The following SLX4IP variants were observed in gnomAD, a reference collection of about 807,000 sequenced individuals.
SLX4IP encodes the protein protein SLX4IP.
SLX4IP carries 34 observed loss-of-function variants against 32.9 expected under a neutral mutation model. The observed-to-expected ratio is 1.03, with a 90% CI of 0.79 to 1.38. SLX4IP has a LOEUF of 1.38. Ranked by LOEUF, SLX4IP falls within the 40% of genes most tolerant of loss-of-function variation. SLX4IP has a pLI of 0.00. For synonymous variants in SLX4IP, 172 were observed against 171.7 expected, an observed-to-expected ratio of 1.00 and a Z score of -0.01; for missense variants, 444 against 479.0, an observed-to-expected ratio of 0.93 and a Z score of 0.68.
intron 2 of SLX4IP, among the ~76,000 whole-genome samples, chr20:10,535,718 G>T (rs857008): frequency 0.57 from 86,748 of 151,984 alleles, 25,398 homozygotes; most frequent in South Asian, 0.72. Flanking sequence ...GAGAATAATG[G>T]AACTACCTGT....
chr20:10,475,568 G>A (rs2122371269), intron 2 of SLX4IP, among the ~76,000 whole-genome samples: 1 of 152,324 alleles, frequency 6.6e-6, no homozygotes. Context: ...TCTTTGAGAA[G>A]TGGGATTCTG....
chr20:10,508,868 G>T (rs938675401), intron 2 of SLX4IP, among the ~76,000 whole-genome samples: 2 of 152,170 alleles, frequency 1.3e-5, no homozygotes, highest in Non-Finnish European at 1.5e-5. Flanking sequence ...ACGACTCCCA[G>T]TGAGTGGCTC....
At chr20:10,492,736 A>G (rs1158935705) in intron 2 of SLX4IP, among the ~76,000 whole-genome samples, 1 of 152,182 alleles carries the variant, frequency 6.6e-6, no homozygotes, top group African/African-American at 2.4e-5. Context: ...TATCTAATAT[A>G]TTCTTCAAAA....
rs779897146 is a variant in SLX4IP at position 10,623,296 on chromosome 20, G to A, written c.1144G>A (p.Gly382Ser). 58 of 1,613,968 alleles carry A rather than the reference G, an allele frequency of 3.6e-5. No individual in the cohort carries two copies. Among genetic ancestry groups the A allele is most frequent in the African/African-American group, 2.0e-4 (15 of 74,868 alleles). ...TAACCCAGGGCAGGCACAGCAAACCGGCTTAGCCACAAACACTGAAAGATT... is the reference window on the plus strand; with the variant it reads ...TAACCCAGGGCAGGCACAGCAAACCAGCTTAGCCACAAACACTGAAAGATT... ...KNNPGQAQQT[G>S]LATNTERLST... is the part of the protein sequence containing the mutation. The change falls in exon 8 of 8, where the codon GGC becomes AGC. Residue 382 changes from glycine to serine, a missense_variant. Gly to Ser is a moderately conservative substitution (Grantham distance 56). Coordinates refer to ENST00000334534, the MANE Select transcript of SLX4IP (RefSeq NM_001009608.3).
intron 2 of SLX4IP, among the ~76,000 whole-genome samples, chr20:10,458,751 C>G (rs561962376): frequency 4.5e-4 from 68 of 152,192 alleles, no homozygotes; most frequent in African/African-American, 1.4e-3. Flanking sequence ...TTTTCTTTAT[C>G]CGTTTTTTCA....
chr20:10,561,321 A>G (rs1191446057), intron 4 of SLX4IP, among the ~76,000 whole-genome samples: 2 of 152,076 alleles, frequency 1.3e-5, no homozygotes, highest in African/African-American at 4.8e-5. Context: ...ATAGAACACT[A>G]GAACTTACTC....
intron 2 of SLX4IP, among the ~76,000 whole-genome samples, chr20:10,547,095 T>C (rs1049249423): frequency 6.6e-6 from 1 of 152,158 alleles, no homozygotes; most frequent in South Asian, 2.1e-4. Flanking sequence ...CCATCTCAAA[T>C]CTTACCCAGG....
chr20:10,444,720 C>G (rs916485712), intron 1 of SLX4IP, among the ~76,000 whole-genome samples: 1 of 152,252 alleles, frequency 6.6e-6, no homozygotes, highest in Non-Finnish European at 1.5e-5. Flanking sequence ...TTGCTGTACC[C>G]TCACATAAGG....
intron 2 of SLX4IP, among the ~76,000 whole-genome samples, chr20:10,548,060 G>A (rs1369473317): frequency 6.6e-6 from 1 of 152,164 alleles, no homozygotes; most frequent in African/African-American, 2.4e-5. Context: ...ATCTTAAAGG[G>A]AAGGCACCTT....
intron 2 of SLX4IP, among the ~76,000 whole-genome samples, chr20:10,471,534 A>G (rs1483218288): frequency 2.0e-5 from 3 of 152,216 alleles, no homozygotes; most frequent in Non-Finnish European, 4.4e-5. Context: ...TGTTGGGTGC[A>G]CTATTTGTTA....
chr20:10,510,236 T>C (rs1311943275), intron 2 of SLX4IP, among the ~76,000 whole-genome samples: 2 of 152,236 alleles, frequency 1.3e-5, no homozygotes, highest in East Asian at 1.9e-4. Flanking sequence ...GGAAAGAGGC[T>C]GTGTGCCGTC....
intron 2 of SLX4IP, among the ~76,000 whole-genome samples, chr20:10,538,726 C>T (rs1215236302): frequency 6.6e-6 from 1 of 152,160 alleles, no homozygotes; most frequent in Non-Finnish European, 1.5e-5. Flanking sequence ...GTGGTTTCAT[C>T]ATGTTGGCCA....
chr20:10,570,726 G>A (rs767495378), intron 4 of SLX4IP, among the ~76,000 whole-genome samples: 16 of 151,984 alleles, frequency 1.1e-4, no homozygotes, highest in Admixed American at 2.6e-4. Context: ...ACAGGTTTTC[G>A]CCATGTTGGT....
chr20:10,531,787 C>T (rs1427652408), intron 2 of SLX4IP, among the ~76,000 whole-genome samples: 2 of 152,144 alleles, frequency 1.3e-5, no homozygotes, highest in African/African-American at 4.8e-5. Context: ...GAGAGAGACA[C>T]CTCCTAGCGT....
chr20:10,534,195 G>A (rs2066016443), intron 2 of SLX4IP, among the ~76,000 whole-genome samples: 1 of 152,042 alleles, frequency 6.6e-6, no homozygotes. Context: ...TAAGGCCCTG[G>A]GCACCATTAG....
chr20:10,565,054 C>CT (rs2066375765), intron 4 of SLX4IP, among the ~76,000 whole-genome samples: 1 of 150,696 alleles, frequency 6.6e-6, no homozygotes, highest in Admixed American at 6.6e-5. Flanking sequence ...TTTTTTTTTC[C>CT]TTTTGTCACT....
chr20:10,533,708 C>T (rs1600972332), intron 2 of SLX4IP, among the ~76,000 whole-genome samples: 1 of 151,030 alleles, frequency 6.6e-6, no homozygotes, highest in East Asian at 1.9e-4. Flanking sequence ...CAAGCTCCAC[C>T]TCCCGAGCTC....
intron 2 of SLX4IP, among the ~76,000 whole-genome samples, chr20:10,533,505 G>T (rs2066007439): frequency 6.6e-6 from 1 of 151,806 alleles, no homozygotes; most frequent in South Asian, 2.1e-4. Context: ...TTTAGTAGAG[G>T]CGGGGTTTTA....
At chr20:10,500,596 T>A (rs765412677) in intron 2 of SLX4IP, among the ~76,000 whole-genome samples, 1 of 151,736 alleles carries the variant, frequency 6.6e-6, no homozygotes, top group Middle Eastern at 3.2e-3. Context: ...GCAAAAAAAT[T>A]AAAAAATTAA....
Sources: gnomAD v4.1 joint callset for allele counts (sites outside exome capture counted in the v4.1 genomes callset) on GRCh38, gnomAD v4.1.1 for gene constraint, MANE v1.5 for transcripts, NCBI Gene and HGNC (gene_info 2026-07-23, HGNC 2026-07-21) for gene names.